ATRX: variants seen among roughly 807,000 people sequenced by gnomAD.
ATRX encodes ATRX chromatin remodeler.
ATRX carries 12 observed loss-of-function variants against 172.6 expected under a neutral mutation model. That is an observed-to-expected ratio of 0.07 (90% confidence interval 0.04 to 0.11). ATRX has a LOEUF of 0.11. ATRX is among the 10% of genes least tolerant of loss of function. The pLI is 1.00. For synonymous variants in ATRX, 674 were observed against 594.7 expected, an observed-to-expected ratio of 1.13 and a Z score of -1.94; for missense variants, 1,368 against 1,767.4, an observed-to-expected ratio of 0.77 and a Z score of 4.05.
chrX:77,698,761 T>C (rs781795996), intron 2 of ATRX, 132 bp from the exon 3 acceptor site: 6 of 515,740 alleles, frequency 1.2e-5, no homozygotes, highest in Non-Finnish European at 1.3e-5. Context: ...ACTACTCACA[T>C]TAAAATATTC....
Position 77,511,241 on chromosome X carries a change from C to T in ATRX, c.7201-2612G>A, listed in dbSNP as rs182230464. Among the ~76,000 whole-genome samples, 7 of 112,137 alleles carry T rather than the reference C, an allele frequency of 6.2e-5. No homozygotes were observed. In the East Asian group the frequency reaches 1.4e-3, roughly 23 times the overall value. On this transcript the variant is annotated intron_variant, in intron 34 of 34. Transcript: ENST00000373344. ...AGACTACAAGAGTCACAGCATTACC[C>T]GGTTTGGGATGCCTTCTAATGCAGA...
At chrX:77,659,633 T>C (rs1426180721) in intron 12 of ATRX, among the ~76,000 whole-genome samples, 1 of 109,686 alleles carries the variant, frequency 9.1e-6, no homozygotes, top group African/African-American at 3.3e-5. Context: ...CATTATCACA[T>C]CTGAAAAAAA....
Position 77,684,316 on chromosome X carries a change from T to G in ATRX, c.940A>C (p.Arg314=). The stretch of plus-strand genomic sequence containing the variant: ...GAACTAGTCTTCTTTGGAGAAAATC[T>G]GGATGTATGTTCATATACTTTATTA... The part of the protein sequence containing the change: ...KSNKVYEHTS[R]FSPKKTSSNC... Residue 314 remains arginine (R), a synonymous_variant, in exon 9 of 35, where the codon AGA becomes CGA. Transcript: ENST00000373344. The G allele has an allele frequency of 8.3e-7, 1 of 1,208,759 alleles. No homozygotes were observed. The highest frequency in any genetic ancestry group is 1.1e-6 in the Non-Finnish European group (1 of 892,882).
intron 30 of ATRX, among the ~76,000 whole-genome samples, chrX:77,554,795 T>G (rs1294540062): frequency 8.9e-6 from 1 of 112,369 alleles, no homozygotes; most frequent in Non-Finnish European, 1.9e-5. Context: ...CACTTCATTC[T>G]TTCCCTTTTA....
chrX:77,767,356 A>G (rs1286545524), intron 1 of ATRX, among the ~76,000 whole-genome samples: 2 of 110,595 alleles, frequency 1.8e-5, no homozygotes, highest in East Asian at 5.7e-4. Context: ...TTCCATCTAT[A>G]AAATTTGCTT....
intron 12 of ATRX, among the ~76,000 whole-genome samples, chrX:77,661,983 A>AT (rs1360585644): frequency 1.8e-5 from 2 of 110,750 alleles, no homozygotes; most frequent in African/African-American, 6.6e-5. Context: ...AGGTTTTAAA[A>AT]TTTTTTTCCC....
intron 10 of ATRX, among the ~76,000 whole-genome samples, chrX:77,666,941 A>G (rs192452459): frequency 8.9e-6 from 1 of 112,214 alleles, no homozygotes; most frequent in East Asian, 2.8e-4. Flanking sequence ...TCAATATCAG[A>G]AACTGATTAA....
intron 30 of ATRX, among the ~76,000 whole-genome samples, chrX:77,534,477 T>C (rs1036054037): frequency 2.7e-5 from 3 of 112,083 alleles, no homozygotes; most frequent in African/African-American, 9.7e-5. Flanking sequence ...GGAAAGGTTT[T>C]TGTTTTATCC....
In ATRX at chrX:77,523,340, T is replaced by G; in HGVS notation, c.6761A>C (p.His2254Pro). 8.3e-7 allele frequency: 1 copy of G among 1,209,724 alleles called. No homozygotes were observed. Among genetic ancestry groups the G allele is most frequent in the Non-Finnish European group, 1.1e-6 (1 of 893,647 alleles). Residue 2254 changes from histidine to proline, a missense_variant, in exon 31 of 35, where the codon CAT becomes CCT. Coordinates refer to ENST00000373344, the MANE Select transcript of ATRX (RefSeq NM_000489.6). ...HKEHIVGYHE[H>P]DSLLDHKEEE... ...TTCTTTGTGGTCCAAAAGAGAATCA[T>G]GTTCATGGTATCCTACAATGTGTTC...
chrX:77,785,458 T>C lies in ATRX; in HGVS notation c.20+524A>G, dbSNP rs782224194. Among the ~76,000 whole-genome samples, 485 of 109,224 alleles carry C rather than the reference T, an allele frequency of 4.4e-3. 6 individuals are homozygous for C. Among genetic ancestry groups the C allele is most frequent in the Admixed American group, 0.014 (141 of 10,108 alleles). The allele number at this position is 109,224 out of a possible 115,157, so 94.8% of individuals were successfully genotyped here. On this transcript the variant is annotated intron_variant, in intron 1 of 34. Transcript: ENST00000373344. ...CCCAATCAAAAAAAGGCTTGTCTCCTGGGGCTGCAGAAAAAAAATCCCGCA... is the reference window on the plus strand; with the variant it reads ...CCCAATCAAAAAAAGGCTTGTCTCCCGGGGCTGCAGAAAAAAAATCCCGCA...
At chrX:77,660,546 G>A (rs914171664) in intron 12 of ATRX, among the ~76,000 whole-genome samples, 8 of 108,234 alleles carry the variant, frequency 7.4e-5, no homozygotes, top group East Asian at 2.9e-4. Flanking sequence ...CGGCCTGGGC[G>A]ACAAAGCAAG....
intron 2 of ATRX, 55 bp downstream of exon 2, chrX:77,717,076 T>TAA (rs1275950533): frequency 1.2e-5 from 10 of 848,449 alleles, no homozygotes; most frequent in South Asian, 2.5e-5. Context: ...TCCATAAGTG[T>TAA]AAAAAAAAAA....
intron 26 of ATRX, among the ~76,000 whole-genome samples, chrX:77,592,413 C>CA (rs111685679): frequency 0.042 from 1,270 of 30,162 alleles, 21 homozygotes; most frequent in African/African-American, 0.055. Context: ...AACTCCGTCT[C>CA]AAAAAAAAAA....
intron 1 of ATRX, among the ~76,000 whole-genome samples, chrX:77,759,199 A>T (rs2075625347): frequency 8.9e-6 from 1 of 111,742 alleles, no homozygotes; most frequent in Non-Finnish European, 1.9e-5. Flanking sequence ...ACACAAAAAC[A>T]TCGACCAGGA....
intron 22 of ATRX, chrX:77,616,085 G>C (rs1178048524): frequency 2.0e-5 from 15 of 751,345 alleles, no homozygotes; most frequent in Non-Finnish European, 2.2e-5. Flanking sequence ...TTAAAGCATA[G>C]AAAAATACAA....
At chrX:77,736,050 T>G (rs1333102820) in intron 1 of ATRX, among the ~76,000 whole-genome samples, 1 of 109,825 alleles carries the variant, frequency 9.1e-6, no homozygotes, top group African/African-American at 3.3e-5. Context: ...TCTCTTGCTC[T>G]ATACATAAAT....
chrX:77,681,547 A>G lies in ATRX; in HGVS notation c.3709T>C (p.Ser1237Pro), dbSNP rs1557136795. The change falls in exon 9 of 35, where the codon TCA becomes CCA. Residue 1237 changes from serine to proline, a missense_variant. By Grantham distance (74) the Ser-to-Pro change is moderately conservative. Around this residue, in one of 17 missense-constraint regions of ATRX, gnomAD observed 843 missense variants for 643.1 expected, o/e 1.31. Coordinates refer to ENST00000373344, the MANE Select transcript of ATRX (RefSeq NM_000489.6). ...KPVTENLVLS[S>P]HTGFCQSSGD... ...GAAGATTGGCAAAATCCAGTATGTG[A>G]AGACAGCACTAAATTTTCAGTCACA... 1 of 1,208,125 alleles carries G rather than the reference A, an allele frequency of 8.3e-7. No individual in the cohort carries two copies. The highest frequency in any genetic ancestry group is 1.1e-6 in the Non-Finnish European group (1 of 894,469).
At chrX:77,509,894 A>C (rs1160517397) in intron 34 of ATRX, among the ~76,000 whole-genome samples, 1 of 43,558 alleles carries the variant, frequency 2.3e-5, no homozygotes, top group Non-Finnish European at 4.1e-5. Flanking sequence ...CTGGGCTGAA[A>C]GCCAGTGGAC....
At chrX:77,782,853 C>A (rs1186483269) in intron 1 of ATRX, among the ~76,000 whole-genome samples, 4 of 111,925 alleles carry the variant, frequency 3.6e-5, no homozygotes, top group African/African-American at 1.3e-4. Flanking sequence ...ACATCCTGGG[C>A]CAGAAGGGAA....
Sources: gnomAD v4.1 joint callset for allele counts (sites outside exome capture counted in the v4.1 genomes callset) on GRCh38, gnomAD v4.1.1 for gene constraint, gnomAD v4.1.1 regional missense constraint, MANE v1.5 for transcripts, NCBI Gene and HGNC (gene_info 2026-07-23, HGNC 2026-07-21) for gene names.